Variants in HAGH observed in about 807,000 individuals in gnomAD.
HAGH encodes hydroxyacylglutathione hydrolase.
HAGH carries 29 observed loss-of-function variants against 35.1 expected under a neutral mutation model. The ratio of observed to expected loss-of-function variants is 0.83; its 90% CI spans 0.62 to 1.13. HAGH has a LOEUF of 1.13. HAGH is among the 50% of genes most tolerant of loss of function. The pLI is 0.00. For synonymous variants in HAGH, 225 were observed against 176.1 expected (o/e 1.28, Z -2.20); for missense variants, 478 against 419.6 (o/e 1.14, Z -1.22).
At chr16:1,816,624 G>A (rs942707039) in intron 7 of HAGH, among the ~76,000 whole-genome samples, 7 of 152,250 alleles carry the variant, frequency 4.6e-5, no homozygotes, top group African/African-American at 1.7e-4. Context: ...CGTGCTGCCA[G>A]CCTGACCCTA....
chr16:1,812,093 G>A (rs530631416), intron 7 of HAGH, among the ~76,000 whole-genome samples: 3 of 152,012 alleles, frequency 2.0e-5, no homozygotes, highest in Non-Finnish European at 4.4e-5. Flanking sequence ...GGGAGACTGA[G>A]GCAGCAGAAT....
chr16:1,817,868 G>A (rs1408312487), intron 5 of HAGH, among the ~76,000 whole-genome samples: 3 of 152,212 alleles, frequency 2.0e-5, no homozygotes, highest in Non-Finnish European at 4.4e-5. Flanking sequence ...GACCTCACGT[G>A]GCCGTCTGCC....
At chr16:1,815,688 T>C (rs1260580914) in intron 7 of HAGH, among the ~76,000 whole-genome samples, 1 of 152,114 alleles carries the variant, frequency 6.6e-6, no homozygotes, top group African/African-American at 2.4e-5. Context: ...AGTGCAAACA[T>C]CATCAACATT....
In HAGH at chr16:1,819,122, C is replaced by G; in HGVS notation, c.534G>C (p.Val178=). 6.2e-7 allele frequency: 1 copy of G among 1,603,542 alleles called. No homozygotes were observed. Among genetic ancestry groups the G allele is most frequent in the Non-Finnish European group, 8.5e-7 (1 of 1,170,934 alleles). The change falls in exon 5 of 9, where the codon GTG becomes GTC. Residue 178 remains valine, a synonymous_variant. Transcript: ENST00000397356. ...CCACACTCGAACACGCACCTGTGAA[C>G]ACGGCAGGGGGCTCCGAGCCTCCGG... ...SKPGGSEPPA[V]FTGDTLFVAG...
intron 7 of HAGH, chr16:1,812,397 G>C (rs890193677): frequency 2.0e-5 from 3 of 148,774 alleles, no homozygotes; most frequent in South Asian, 2.1e-4. Context: ...CCAGCTACTT[G>C]GGAGGCTGAG....
intron 7 of HAGH, among the ~76,000 whole-genome samples, chr16:1,811,662 G>T (rs774866167): frequency 6.6e-6 from 1 of 152,012 alleles, no homozygotes; most frequent in Non-Finnish European, 1.5e-5. Context: ...GCAGTAGTGA[G>T]CCGAGATCGC....
rs1897801011 is a variant in HAGH, at chr16:1,814,532, A to G, written c.747+2361T>C. Reference sequence around the variant, plus strand: ...GTAAATGGAACTTCACCAAAACTATAAACTATTTTCCAAAAGACAATGTTA... The same window carrying G: ...GTAAATGGAACTTCACCAAAACTATGAACTATTTTCCAAAAGACAATGTTA... On this transcript the variant is annotated intron_variant, in intron 7 of 8. Transcript: ENST00000397356. Among the ~76,000 whole-genome samples, 3 of 152,074 alleles carry G rather than the reference A, an allele frequency of 2.0e-5. No homozygotes were observed. The South Asian group carries it at 6.2e-4, about 31-fold the overall frequency.
intron 7 of HAGH, among the ~76,000 whole-genome samples, chr16:1,812,798 GGGA>G (rs2142029948): frequency 6.6e-6 from 1 of 152,330 alleles, no homozygotes; most frequent in East Asian, 1.9e-4. Context: ...GCCGCAGAAT[GGGA>G]GGCGCCCTGC....
chr16:1,827,008 G>C, upstream of HAGH: 1 of 664,262 alleles, frequency 1.5e-6, no homozygotes, highest in Non-Finnish European at 2.3e-6. Context: ...GCGGCGGCCC[G>C]AGAGCTGCGC....
At chr16:1,813,358 G>A (rs1897750841) in intron 7 of HAGH, among the ~76,000 whole-genome samples, 1 of 152,164 alleles carries the variant, frequency 6.6e-6, no homozygotes, top group African/African-American at 2.4e-5. Context: ...TATATAGCCT[G>A]CATAACCATG....
chr16:1,809,531 A>C, intron 8 of HAGH, 149 bp from the exon 9 acceptor site: 2 of 688,774 alleles, frequency 2.9e-6, no homozygotes, highest in Non-Finnish European at 5.0e-6. Context: ...TCCCCTTCTG[A>C]CAGGTTCTGA....
At position 1,817,267 on chromosome 16, in the gene HAGH, G is replaced by A. The variant is rs139868307; in HGVS notation, c.546C>T (p.Asp182=). ...TCCCGCAGCCAGCCACAAACAAGGT[G>A]TCACCTGGAAACAAGGACAGCCACG... The part of the protein sequence containing the change: ...GSEPPAVFTG[D]TLFVAGCGKF... Residue 182 remains aspartate (D), a synonymous_variant, in exon 6 of 9, where the codon GAC becomes GAT. Coordinates refer to ENST00000397356, the MANE Select transcript of HAGH (RefSeq NM_005326.6). 8.0e-4 allele frequency: 1,282 copies of A among 1,607,300 alleles called. 2 individuals carry two copies. The highest frequency in any genetic ancestry group is 1.0e-3 in the Non-Finnish European group (1,203 of 1,173,822).
intron 2 of HAGH, 68 bp from the exon 3 acceptor site, chr16:1,822,432 T>C (rs1261116626): frequency 2.5e-6 from 3 of 1,206,906 alleles, no homozygotes; most frequent in Non-Finnish European, 3.7e-6. Flanking sequence ...GCCTATATGG[T>C]AGGGTGCCCA....
intron 4 of HAGH, 86 bp from the exon 5 acceptor site, chr16:1,819,309 T>G: frequency 1.3e-6 from 1 of 790,642 alleles, no homozygotes; most frequent in Non-Finnish European, 2.1e-6. Context: ...TGGGCCCTAC[T>G]GGGCCTCCTC....
At chr16:1,826,649 G>A (rs867695828) in intron 1 of HAGH, 63 bp downstream of exon 1, 7 of 962,128 alleles carry the variant, frequency 7.3e-6, no homozygotes, top group Non-Finnish European at 7.4e-6. Context: ...ACGGCCCGGC[G>A]CCGCCCGCTG....
At position 1,823,002 on chromosome 16, in the gene HAGH, A is replaced by G; in HGVS notation, c.112T>C (p.Leu38=). 1 of 1,613,926 alleles carries G rather than the reference A, an allele frequency of 6.2e-7. No homozygotes were observed. The highest frequency in any genetic ancestry group is 8.5e-7 in the Non-Finnish European group (1 of 1,180,012). Reference sequence around the variant, plus strand: ...TCGTCCACGGTCAGGTTCTTCCGCAAATCTGTGTGGCAGAAAACTCCCAGC... The same window carrying G: ...TCGTCCACGGTCAGGTTCTTCCGCAGATCTGTGTGGCAGAAAACTCCCAGC... ...ALLGVFCHTD[L]RKNLTVDEGT... The change falls in exon 2 of 9, where the codon TTG becomes CTG. Residue 38 remains leucine (L), a synonymous_variant. Coordinates refer to ENST00000397356, the MANE Select transcript of HAGH (RefSeq NM_005326.6).
At chr16:1,824,758 AT>A (rs895541812) in intron 1 of HAGH, among the ~76,000 whole-genome samples, 3 of 152,192 alleles carry the variant, frequency 2.0e-5, no homozygotes, top group Admixed American at 1.3e-4. Flanking sequence ...CTGCACAAAG[AT>A]ATCCTATTAC....
At chr16:1,827,188 A>G (rs769621726), upstream of HAGH, 1 of 1,562,282 alleles carries the variant, frequency 6.4e-7, no homozygotes, top group African/African-American at 1.3e-5. Context: ...TGCCGTAGGC[A>G]TCAGCTGACC....
intron 5 of HAGH, chr16:1,818,698 C>G: frequency 5.9e-6 from 1 of 169,530 alleles, no homozygotes; most frequent in African/African-American, 2.4e-5. Context: ...CATATGACCT[C>G]CACAGGTGGC....
Sources: gnomAD v4.1 joint callset for allele counts (sites outside exome capture counted in the v4.1 genomes callset) on GRCh38, gnomAD v4.1.1 for gene constraint, MANE v1.5 for transcripts, NCBI Gene and HGNC (gene_info 2026-07-23, HGNC 2026-07-21) for gene names.